The following BIRC6 variants were observed in gnomAD, a reference collection of about 807,000 sequenced individuals.
The protein encoded by BIRC6 is dual E2 ubiquitin-conjugating enzyme/E3 ubiquitin-protein ligase BIRC6.
In BIRC6, 98 loss-of-function variants were observed where a neutral mutation model predicts 503.3. The ratio of observed to expected loss-of-function variants is 0.19; its 90% CI spans 0.17 to 0.23. The LOEUF is 0.23. Ranked by LOEUF, BIRC6 falls within the 10% of genes least tolerant of loss-of-function variation. The pLI, the probability that BIRC6 is intolerant of heterozygous loss-of-function variation, is 1.00. For synonymous variants in BIRC6, 2,240 were observed against 2,078.7 expected, an observed-to-expected ratio of 1.08 and a Z score of -2.11; for missense variants, 5,360 against 5,806.0, an observed-to-expected ratio of 0.92 and a Z score of 2.50.
chr2:32,481,884 C>T (rs2050444047), intron 38 of BIRC6, among the ~76,000 whole-genome samples: 1 of 152,110 alleles, frequency 6.6e-6, no homozygotes, highest in Non-Finnish European at 1.5e-5. Context: ...ACTCATTATT[C>T]AGCATTTTCA....
At chr2:32,510,492 T>G in intron 52 of BIRC6, 34 bp from the exon 53 acceptor site, 2 of 1,306,724 alleles carry the variant, frequency 1.5e-6, no homozygotes, top group African/African-American at 2.9e-5. Context: ...CTTGCTTATT[T>G]AGCAAACTTT....
At chr2:32,379,904 A>G (rs1018409090) in intron 2 of BIRC6, among the ~76,000 whole-genome samples, 8 of 152,050 alleles carry the variant, frequency 5.3e-5, no homozygotes, top group East Asian at 1.9e-4. Flanking sequence ...TTGGTTTACA[A>G]TAACTACTTT....
In BIRC6 at chr2:32,442,182, T is replaced by G. The variant is rs1274657424; in HGVS notation, c.4062T>G (p.Asp1354Glu). ...AACATGCCCAGAGCCTTGTGTTGGATACTCTCTGTTGGTTAGCTGGAGTTC... is the reference window on the plus strand; with the variant it reads ...AACATGCCCAGAGCCTTGTGTTGGAGACTCTCTGTTGGTTAGCTGGAGTTC... ...ITEHAQSLVLDTLCWLAGVHS... is the reference protein window; with the variant it reads ...ITEHAQSLVLETLCWLAGVHS... The change falls in exon 18 of 74, where the codon GAT (aspartate) becomes GAG (glutamate). Residue 1354 changes from aspartate to glutamate, a missense_variant. Transcript: ENST00000421745. 6.2e-7 allele frequency: 1 copy of G among 1,609,836 alleles called. No homozygotes were observed. The highest frequency in any genetic ancestry group is 2.2e-5 in the East Asian group (1 of 44,860).
At chr2:32,360,496 C>T (rs187681656) in intron 1 of BIRC6, among the ~76,000 whole-genome samples, 86 of 152,206 alleles carry the variant, frequency 5.7e-4, no homozygotes, top group Admixed American at 5.6e-3. Context: ...GTCTTGTCTC[C>T]TTATTTATAA....
intron 20 of BIRC6, 49 bp from the exon 21 acceptor site, chr2:32,445,472 G>A (rs1574257232): frequency 7.0e-7 from 1 of 1,428,828 alleles, no homozygotes; most frequent in East Asian, 2.5e-5. Flanking sequence ...CTCATTGTTA[G>A]AGGAAAAGGA....
Position 32,367,428 on chromosome 2 carries a change from A to G in BIRC6, c.325+9942A>G, listed in dbSNP as rs182817214. On this transcript the variant is annotated intron_variant, in intron 1 of 73. Transcript: ENST00000421745. ...CACTGAGCTGAGATTGCACCATTGC[A>G]ATCCGGCCAGGGCAACAACAGTGAA... is the stretch of plus-strand genomic sequence containing the variant. 9.9e-5 allele frequency among the ~76,000 whole-genome samples: 15 copies of G among 151,876 alleles called. No individual in the cohort carries two copies. In the East Asian group the frequency reaches 2.9e-3, roughly 29 times the overall value.
At chr2:32,426,607 A>G (rs1169366237) in intron 10 of BIRC6, among the ~76,000 whole-genome samples, 1 of 152,274 alleles carries the variant, frequency 6.6e-6, no homozygotes, top group Non-Finnish European at 1.5e-5. Context: ...CCGTCTCAAA[A>G]CAAAAAACAA....
In BIRC6 at chr2:32,469,380, T is replaced by C. The variant is rs765821197; in HGVS notation, c.6128-15T>C. On this transcript the variant is annotated splice_polypyrimidine_tract_variant and intron_variant, in intron 29 of 73. Transcript: ENST00000421745. The stretch of plus-strand genomic sequence containing the variant: ...ATTTAAATAGGAAAGTTTACTGTTT[T>C]CTTTCTTGTAATAGGACACTCTGTT... 39 of 1,592,986 alleles carry C rather than the reference T, an allele frequency of 2.4e-5. No homozygotes were observed. The highest frequency in any genetic ancestry group is 3.3e-5 in the Non-Finnish European group (38 of 1,168,704).
At chr2:32,392,219 T>C in intron 5 of BIRC6, 69 bp downstream of exon 5, 1 of 1,106,688 alleles carries the variant, frequency 9.0e-7, no homozygotes, top group Non-Finnish European at 1.3e-6. Context: ...ATTATCACAT[T>C]TTTTTAACTT....
At chr2:32,361,516 A>G (rs2034083684) in intron 1 of BIRC6, among the ~76,000 whole-genome samples, 1 of 152,176 alleles carries the variant, frequency 6.6e-6, no homozygotes, top group Non-Finnish European at 1.5e-5. Context: ...TCTTAGCACT[A>G]ACAATCATCA....
At chr2:32,453,963 C>G (rs533089117) in intron 23 of BIRC6, 21 bp downstream of exon 23, 4 of 1,583,316 alleles carry the variant, frequency 2.5e-6, no homozygotes, top group South Asian at 1.1e-5. Flanking sequence ...TGGTATATAC[C>G]TTCTTTTATT....
At chr2:32,471,225 G>A in intron 32 of BIRC6, 101 bp downstream of exon 32, 3 of 1,433,360 alleles carry the variant, frequency 2.1e-6, no homozygotes, top group South Asian at 1.3e-5. Flanking sequence ...CTGGCTATTG[G>A]CCTGGAGCTA....
At chr2:32,501,681 A>G (rs761634322) in intron 46 of BIRC6, 32 bp from the exon 47 acceptor site, 1 of 1,577,914 alleles carries the variant, frequency 6.3e-7, no homozygotes, top group Non-Finnish European at 8.6e-7. Flanking sequence ...GGATATATAT[A>G]CTTTTAATGT....
chr2:32,376,418 G>A lies in BIRC6; in HGVS notation c.326-1170G>A, dbSNP rs117273391. On this transcript the variant is annotated intron_variant, in intron 1 of 73. Coordinates refer to ENST00000421745, the MANE Select transcript of BIRC6 (RefSeq NM_016252.4). The stretch of plus-strand genomic sequence containing the variant: ...ATTTAATACTGTATTTTTTACATTT[G>A]TTTACATTTTTCTTGACTGGTGCCA... Among the ~76,000 whole-genome samples the A allele has an allele frequency of 4.1e-3, 631 of 152,066 alleles. 3 individuals are homozygous for A. The highest frequency in any genetic ancestry group is 0.023 in the Admixed American group (357 of 15,266).
intron 8 of BIRC6, among the ~76,000 whole-genome samples, chr2:32,404,048 C>T (rs1024356244): frequency 6.6e-6 from 1 of 151,600 alleles, no homozygotes; most frequent in African/African-American, 2.4e-5. Context: ...CTGCCTTAGC[C>T]TCCTTGAGTA....
At chr2:32,466,928 G>A (rs1467919469) in intron 26 of BIRC6, among the ~76,000 whole-genome samples, 1 of 152,000 alleles carries the variant, frequency 6.6e-6, no homozygotes, top group Non-Finnish European at 1.5e-5. Context: ...GACCATCCTG[G>A]CTAGCTTGGT....
chr2:32,478,293 G>C (rs920293363), intron 35 of BIRC6, among the ~76,000 whole-genome samples: 1 of 151,798 alleles, frequency 6.6e-6, no homozygotes, highest in Non-Finnish European at 1.5e-5. Context: ...AGCTGAAATC[G>C]CGCCACTTCA....
At chr2:32,555,507 G>A (rs1006639553) in intron 65 of BIRC6, among the ~76,000 whole-genome samples, 5 of 151,734 alleles carry the variant, frequency 3.3e-5, no homozygotes, top group Admixed American at 2.6e-4. Flanking sequence ...GTGTGGTGGC[G>A]CATGCCTGTA....
rs1572763429 is a variant in BIRC6 at position 32,518,335 on chromosome 2, T to C, written c.11431T>C (p.Leu3811=). ...GAACATTTCAGGGTTTATACGAAGA[T>C]TATTTTTACAGTTGATGCTGGAAGA... The part of the protein sequence containing the change: ...SGNISGFIRR[L]FLQLMLEDEK... The change falls in exon 56 of 74, where the codon TTA becomes CTA. Residue 3811 remains leucine, a synonymous_variant. Transcript: ENST00000421745. 4.4e-6 allele frequency: 7 copies of C among 1,609,008 alleles called. No homozygotes were observed. The highest frequency in any genetic ancestry group is 5.9e-6 in the Non-Finnish European group (7 of 1,178,774).
Sources: allele counts gnomAD v4.1 joint callset (sites outside exome capture counted in the v4.1 genomes callset), GRCh38; gene constraint gnomAD v4.1.1; transcripts MANE v1.5; gene names NCBI Gene and HGNC (gene_info 2026-07-23, HGNC 2026-07-21).